BASP1: variants seen among roughly 807,000 people sequenced by gnomAD.
BASP1 encodes brain acid soluble protein 1.
In BASP1, 1 loss-of-function variant was observed where a neutral mutation model predicts 2.2. The observed-to-expected ratio is 0.46, with a 90% CI of 0.16 to 2.17. The LOEUF (loss-of-function observed/expected upper bound fraction) is 2.17. Ranked by LOEUF, BASP1 falls within the 30% of genes most tolerant of loss-of-function variation. The pLI is 0.27. For missense variants in BASP1, 352 were observed against 327.2 expected, an observed-to-expected ratio of 1.08 and a Z score of -0.58; for synonymous variants, 187 against 154.2, an observed-to-expected ratio of 1.21 and a Z score of -1.58.
At chr5:17,234,890 A>G (rs1739710704) in intron 1 of BASP1, among the ~76,000 whole-genome samples, 1 of 152,214 alleles carries the variant, frequency 6.6e-6, no homozygotes, top group Non-Finnish European at 1.5e-5. Flanking sequence ...GAGATATTCA[A>G]TTGGCTATTA....
At chr5:17,218,452 C>T (rs955300639) in intron 1 of BASP1, among the ~76,000 whole-genome samples, 6 of 152,222 alleles carry the variant, frequency 3.9e-5, no homozygotes, top group Non-Finnish European at 8.8e-5. Context: ...CACTCAGAAG[C>T]ACCTCCCGAG....
intron 1 of BASP1, among the ~76,000 whole-genome samples, chr5:17,223,254 G>A (rs1012169170): frequency 1.3e-5 from 2 of 152,112 alleles, no homozygotes; most frequent in African/African-American, 4.8e-5. Flanking sequence ...TTGGTAAATT[G>A]CTTACCTTCT....
intron 1 of BASP1, among the ~76,000 whole-genome samples, chr5:17,266,538 G>T (rs541547192): frequency 6.6e-6 from 1 of 152,270 alleles, no homozygotes; most frequent in East Asian, 1.9e-4. Flanking sequence ...GGGGCATGGT[G>T]GCTCACGCCT....
rs142475783 is a variant in BASP1, at chr5:17,274,991, G to C, written c.-9-217G>C. ...CTGCAGTGAGAAGAGATCTCACCAC[G>C]GCATTCCAGCCTGGGTAACATAGCG... is the stretch of plus-strand genomic sequence containing the variant. On this transcript the variant is annotated intron_variant, in intron 1 of 1. Coordinates refer to ENST00000322611, the MANE Select transcript of BASP1 (RefSeq NM_006317.5). 2.4e-3 allele frequency among the ~76,000 whole-genome samples: 361 copies of C among 152,090 alleles called. 5 individuals carry two copies. The highest frequency in any genetic ancestry group is 8.1e-3 in the African/African-American group (335 of 41,488).
At chr5:17,244,699 T>G (rs1739942195) in intron 1 of BASP1, among the ~76,000 whole-genome samples, 1 of 151,580 alleles carries the variant, frequency 6.6e-6, no homozygotes, top group Non-Finnish European at 1.5e-5. Context: ...GTAGTGTTTT[T>G]TTTTTTTTTT....
chr5:17,246,272 G>A (rs1448280694), intron 1 of BASP1, among the ~76,000 whole-genome samples: 1 of 151,908 alleles, frequency 6.6e-6, no homozygotes, highest in African/African-American at 2.4e-5. Context: ...ATAAGGTCAG[G>A]AGTTCGAGGC....
chr5:17,254,485 T>C (rs1740161708), intron 1 of BASP1, among the ~76,000 whole-genome samples: 2 of 152,186 alleles, frequency 1.3e-5, no homozygotes, highest in Admixed American at 1.3e-4. Flanking sequence ...GATTCTAGTG[T>C]AGTTTTTTTT....
At chr5:17,219,188 C>T (rs926964287) in intron 1 of BASP1, among the ~76,000 whole-genome samples, 2 of 149,840 alleles carry the variant, frequency 1.3e-5, no homozygotes, top group Non-Finnish European at 3.0e-5. Context: ...ACTGTAATTA[C>T]CTATTCCTTT....
intron 1 of BASP1, among the ~76,000 whole-genome samples, chr5:17,271,339 C>G (rs1740524272): frequency 1.3e-5 from 2 of 152,296 alleles, no homozygotes; most frequent in Admixed American, 6.5e-5. Context: ...CCAGGTTGAT[C>G]TTGAACTCCT....
In BASP1 at chr5:17,275,611, G is replaced by A. The variant is rs766369296; in HGVS notation, c.395G>A (p.Ser132Asn). Residue 132 changes from serine to asparagine, a missense_variant, in exon 2 of 2, where the codon AGC becomes AAC. Ser to Asn is a conservative substitution (Grantham distance 46). Coordinates refer to ENST00000322611, the MANE Select transcript of BASP1 (RefSeq NM_006317.5). The surrounding 1 kb of genome is among the most constrained non-coding windows in gnomAD (Gnocchi z 5.3). The stretch of plus-strand genomic sequence containing the variant: ...GAGGCCGCCGCGGCCCCGGCCGAGA[G>A]CGCGGCCCCTGCCGCCGGGGAGGAG... The part of the protein sequence containing the change: ...AAEAAAAPAE[S>N]AAPAAGEEPS... The A allele has an allele frequency of 1.4e-6, 2 of 1,466,008 alleles. No homozygotes were observed. Among genetic ancestry groups the A allele is most frequent in the Admixed American group, 2.8e-5 (1 of 36,136 alleles). 90.8% of individuals were successfully genotyped at this position (1,466,008 alleles called of 1,614,324 possible).
At chr5:17,261,974 A>AC (rs1488567212) in intron 1 of BASP1, among the ~76,000 whole-genome samples, 2 of 152,016 alleles carry the variant, frequency 1.3e-5, no homozygotes, top group Non-Finnish European at 2.9e-5. Context: ...ACAGCCCATC[A>AC]CCGGATCAAT....
chr5:17,231,541 C>G (rs1739634051), intron 1 of BASP1, among the ~76,000 whole-genome samples: 1 of 152,122 alleles, frequency 6.6e-6, no homozygotes, highest in African/African-American at 2.4e-5. Flanking sequence ...ACTCTCTCAC[C>G]CACCCTCTTC....
chr5:17,232,546 C>G (rs1739654561), intron 1 of BASP1, among the ~76,000 whole-genome samples: 1 of 152,178 alleles, frequency 6.6e-6, no homozygotes, highest in Non-Finnish European at 1.5e-5. Context: ...GTTTCTAGCA[C>G]CTAACCGAAC....
intron 1 of BASP1, among the ~76,000 whole-genome samples, chr5:17,255,623 T>C (rs567423767): frequency 6.6e-6 from 1 of 152,300 alleles, no homozygotes; most frequent in South Asian, 2.1e-4. Flanking sequence ...TTGACGGTGT[T>C]ACAGGGTAGG....
Position 17,271,843 on chromosome 5 carries a change from G to C in BASP1, c.-9-3365G>C, listed in dbSNP as rs548774088. Among the ~76,000 whole-genome samples, 14 of 152,178 alleles carry C rather than the reference G, an allele frequency of 9.2e-5. No individual in the cohort carries two copies. The East Asian group carries it at 2.7e-3, about 30-fold the overall frequency. The stretch of plus-strand genomic sequence containing the variant: ...GCATTTCGGGAGGCCGAAGTGGGCA[G>C]ATCACCTGAGGTCAGGAGTTCAAGA... On this transcript the variant is annotated intron_variant, in intron 1 of 1. Coordinates refer to ENST00000322611, the MANE Select transcript of BASP1 (RefSeq NM_006317.5).
chr5:17,270,066 T>C (rs1184186505), intron 1 of BASP1, among the ~76,000 whole-genome samples: 2 of 152,186 alleles, frequency 1.3e-5, no homozygotes, highest in Admixed American at 6.5e-5. Flanking sequence ...AATTGTGCGA[T>C]CTCGGCTCAC....
intron 1 of BASP1, among the ~76,000 whole-genome samples, chr5:17,273,039 T>C: frequency 6.6e-6 from 1 of 152,184 alleles, no homozygotes; most frequent in Non-Finnish European, 1.5e-5. Context: ...TATTACTGGA[T>C]TGAGAGAAGA....
intron 1 of BASP1, among the ~76,000 whole-genome samples, chr5:17,252,814 T>A (rs1465932298): frequency 6.6e-6 from 1 of 152,254 alleles, no homozygotes; most frequent in Non-Finnish European, 1.5e-5. Context: ...TCATAGGAAC[T>A]GAGTCACTAG....
In BASP1 at chr5:17,275,002, C is replaced by T. The variant is rs1740600731; in HGVS notation, c.-9-206C>T. On this transcript the variant is annotated intron_variant, in intron 1 of 1. Coordinates refer to ENST00000322611, the MANE Select transcript of BASP1 (RefSeq NM_006317.5). This position sits in a 1 kb window ranked among gnomAD's most constrained non-coding sequence, Gnocchi z 5.3. ...AGAGATCTCACCACGGCATTCCAGC[C>T]TGGGTAACATAGCGAGACCCTGTCT... Among the ~76,000 whole-genome samples the T allele has an allele frequency of 6.6e-6, 1 of 152,058 alleles. No homozygotes were observed. The highest frequency in any genetic ancestry group is 1.5e-5 in the Non-Finnish European group (1 of 68,020).
Sources: allele counts gnomAD v4.1 joint callset (sites outside exome capture counted in the v4.1 genomes callset), GRCh38; gene constraint gnomAD v4.1.1; non-coding constraint Gnocchi (gnomAD v3.1); transcripts MANE v1.5; gene names NCBI Gene and HGNC (gene_info 2026-07-23, HGNC 2026-07-21).